ASTN2: variants seen among roughly 807,000 people sequenced by gnomAD.
The protein encoded by ASTN2 is astrotactin-2.
ASTN2 carries 54 observed loss-of-function variants against 139.8 expected under a neutral mutation model. That is an observed-to-expected ratio of 0.39 (90% CI 0.31 to 0.48). The LOEUF is 0.48. ASTN2 is among the 20% of genes least tolerant of loss of function. The probability of loss-of-function intolerance (pLI) is 0.95; values close to 1 mark genes in which losing one functional copy is unlikely to be tolerated. For synonymous variants in ASTN2, 756 were observed against 719.5 expected (o/e 1.05, Z -0.81); for missense variants, 1,565 against 1,725.1 (o/e 0.91, Z 1.64).
At chr9:116,718,570 G>T (rs1390849441) in intron 16 of ASTN2, among the ~76,000 whole-genome samples, 1 of 152,178 alleles carries the variant, frequency 6.6e-6, no homozygotes, top group Non-Finnish European at 1.5e-5. Context: ...ATTTTGGAGA[G>T]ATTAACATTT....
chr9:117,283,025 G>T (rs1362801502), intron 2 of ASTN2, among the ~76,000 whole-genome samples: 5 of 144,072 alleles, frequency 3.5e-5, no homozygotes, highest in Admixed American at 1.4e-4. Flanking sequence ...GGTTTTATGT[G>T]CATTAAGTTT....
chr9:116,786,327 TTTG>T lies in ASTN2; in HGVS notation c.2396+19302_2396+19304del, dbSNP rs544910808. 6.7e-3 allele frequency among the ~76,000 whole-genome samples: 1,016 copies of T among 152,304 alleles called. 6 individuals carry two copies. The highest frequency in any genetic ancestry group is 0.01 in the Non-Finnish European group (692 of 68,016). On this transcript the variant is annotated intron_variant, in intron 13 of 22. Transcript: ENST00000313400. ...ATGTACCTGACAGGGTGTATATTTA[TTTG>T]TTGATTGTCCCCTACACTAGAATAT... is the stretch of plus-strand genomic sequence containing the variant.
chr9:116,650,501 C>T (rs115926602), intron 17 of ASTN2, among the ~76,000 whole-genome samples: 4 of 151,956 alleles, frequency 2.6e-5, no homozygotes, highest in African/African-American at 4.8e-5. Context: ...AAAAGGGGTA[C>T]GATATTAAAA....
chr9:117,394,623 A>G (rs913512772), intron 1 of ASTN2, among the ~76,000 whole-genome samples: 3 of 152,244 alleles, frequency 2.0e-5, no homozygotes, highest in Non-Finnish European at 4.4e-5. Context: ...GAAACAGGTA[A>G]GTTCCACCAG....
intron 2 of ASTN2, among the ~76,000 whole-genome samples, chr9:117,256,851 A>G (rs1833700314): frequency 6.6e-6 from 1 of 152,124 alleles, no homozygotes; most frequent in Non-Finnish European, 1.5e-5. Context: ...AGGACCCACT[A>G]TTTTCTATGC....
intron 19 of ASTN2, among the ~76,000 whole-genome samples, chr9:116,499,272 A>G (rs1168262474): frequency 6.6e-6 from 1 of 152,200 alleles, no homozygotes; most frequent in Non-Finnish European, 1.5e-5. Flanking sequence ...AGTGTCTAGC[A>G]GAGTGTGGGG....
chr9:117,219,388 G>A (rs1031510303), intron 2 of ASTN2, among the ~76,000 whole-genome samples: 3 of 152,142 alleles, frequency 2.0e-5, no homozygotes, highest in Admixed American at 6.5e-5. Context: ...AATGCTGCAC[G>A]GCAAAAGGGG....
At chr9:116,797,760 C>T (rs1201825046) in intron 13 of ASTN2, among the ~76,000 whole-genome samples, 1 of 152,206 alleles carries the variant, frequency 6.6e-6, no homozygotes. Context: ...ACAAACACAA[C>T]TTTCCAGGCC....
chr9:116,974,693 C>T (rs1836297397), intron 10 of ASTN2, among the ~76,000 whole-genome samples: 1 of 151,818 alleles, frequency 6.6e-6, no homozygotes, highest in African/African-American at 2.4e-5. Flanking sequence ...ATTTTTAGTA[C>T]AGACCAAGTT....
At chr9:117,132,361 C>T (rs1018026837) in intron 4 of ASTN2, among the ~76,000 whole-genome samples, 1 of 152,220 alleles carries the variant, frequency 6.6e-6, no homozygotes, top group African/African-American at 2.4e-5. Context: ...TATTTTAGTT[C>T]ACTACGTTTT....
intron 19 of ASTN2, among the ~76,000 whole-genome samples, chr9:116,498,419 T>TAAA (rs146595162): frequency 3.4e-5 from 5 of 148,754 alleles, no homozygotes; most frequent in Middle Eastern, 3.5e-3. Flanking sequence ...ACCCCATCTC[T>TAAA]AAAAAAAAAC....
intron 16 of ASTN2, among the ~76,000 whole-genome samples, chr9:116,664,641 G>GAA (rs563966212): frequency 1.6e-5 from 2 of 125,592 alleles, no homozygotes; most frequent in Admixed American, 1.6e-4. Context: ...AAGCACAAAA[G>GAA]AAAAAAAAAA....
At chr9:116,456,568 G>A (rs1157269149) in intron 20 of ASTN2, among the ~76,000 whole-genome samples, 2 of 152,202 alleles carry the variant, frequency 1.3e-5, no homozygotes, top group Non-Finnish European at 2.9e-5. Flanking sequence ...GTCTGGGGAG[G>A]TTTCACAATC....
rs139678717 is a variant in ASTN2 at position 116,731,329 on chromosome 9, T to C, written c.2521+2070A>G. Among the ~76,000 whole-genome samples, 908 of 152,216 alleles carry C rather than the reference T, an allele frequency of 6.0e-3. 8 individuals are homozygous for C. The highest frequency in any genetic ancestry group is 0.021 in the African/African-American group (872 of 41,532). On this transcript the variant is annotated intron_variant, in intron 14 of 22. Transcript: ENST00000313400. ...TTGAACCACTAATGGATACCCATAG[T>C]GTGCCAAGCATTTTATATACATGAT...
intron 19 of ASTN2, among the ~76,000 whole-genome samples, chr9:116,598,357 C>G (rs766259804): frequency 6.6e-6 from 1 of 152,140 alleles, no homozygotes. Context: ...ATGTATGTGT[C>G]GGCCATAACT....
chr9:116,637,625 T>A (rs982857744), intron 17 of ASTN2, among the ~76,000 whole-genome samples: 1 of 152,126 alleles, frequency 6.6e-6, no homozygotes, highest in African/African-American at 2.4e-5. Flanking sequence ...AAGAAATGTA[T>A]AGAAAAATAC....
In ASTN2 at chr9:116,721,690, C is replaced by T. The variant is rs547395872; in HGVS notation, c.2806+4081G>A. On this transcript the variant is annotated intron_variant, in intron 16 of 22. Transcript: ENST00000313400. Reference sequence around the variant, plus strand: ...AGTTGTTTCCTAAGGCCCAGTTCTTCCTGCATTAGATTCTACCTTATTGAC... The same window carrying T: ...AGTTGTTTCCTAAGGCCCAGTTCTTTCTGCATTAGATTCTACCTTATTGAC... Among the ~76,000 whole-genome samples the T allele has an allele frequency of 2.0e-5, 3 of 152,238 alleles. No individual in the cohort carries two copies. The East Asian group carries it at 5.8e-4, about 29-fold the overall frequency.
intron 5 of ASTN2, among the ~76,000 whole-genome samples, chr9:117,061,619 G>A (rs1266497517): frequency 6.6e-6 from 1 of 152,046 alleles, no homozygotes; most frequent in African/African-American, 2.4e-5. Flanking sequence ...TGAAGTTAGT[G>A]GGAGGCCATA....
intron 10 of ASTN2, among the ~76,000 whole-genome samples, chr9:116,877,778 C>CA (rs55658925): frequency 1.3e-5 from 2 of 151,794 alleles, no homozygotes; most frequent in Non-Finnish European, 2.9e-5. Flanking sequence ...ATTCCTCTGG[C>CA]AAAAAAAGCC....
Sources: gnomAD v4.1 joint callset for allele counts (sites outside exome capture counted in the v4.1 genomes callset) on GRCh38, gnomAD v4.1.1 for gene constraint, MANE v1.5 for transcripts, NCBI Gene and HGNC (gene_info 2026-07-23, HGNC 2026-07-21) for gene names.